The following MIGA1 variants were observed in gnomAD, a reference collection of about 807,000 sequenced individuals.
MIGA1 encodes the protein family with sequence similarity 73, member A.
MIGA1 carries 58 observed loss-of-function variants against 82.0 expected under a neutral mutation model. The ratio of observed to expected loss-of-function variants is 0.71; its 90% CI spans 0.57 to 0.88. The LOEUF (loss-of-function observed/expected upper bound fraction) is 0.88, where lower values mean the gene tolerates loss of function less well. MIGA1 is among the 40% of genes least tolerant of loss of function. MIGA1 has a pLI of 0.00. For synonymous variants in MIGA1, 249 were observed against 253.6 expected, an observed-to-expected ratio of 0.98 and a Z score of 0.17; for missense variants, 751 against 749.1, an observed-to-expected ratio of 1.00 and a Z score of -0.03.
At chr1:77,817,172 C>T (rs749659153) in intron 7 of MIGA1, among the ~76,000 whole-genome samples, 1 of 151,912 alleles carries the variant, frequency 6.6e-6, no homozygotes. Flanking sequence ...TGACTGGGTC[C>T]GTCTCTTATT....
intron 7 of MIGA1, among the ~76,000 whole-genome samples, chr1:77,825,731 T>G (rs1036793622): frequency 1.3e-5 from 2 of 152,102 alleles, no homozygotes; most frequent in Non-Finnish European, 1.5e-5. Context: ...TTTCAGAGAT[T>G]GTTAAATTAT....
At position 77,779,665 on chromosome 1, in the gene MIGA1, T is replaced by G; in HGVS notation, c.10T>G (p.Cys4Gly). 1 of 1,582,610 alleles carries G rather than the reference T, an allele frequency of 6.3e-7. No homozygotes were observed. Among genetic ancestry groups the G allele is most frequent in the Non-Finnish European group, 8.6e-7 (1 of 1,164,220 alleles). ...GGACTCCGCCTTCTCCATGTCAGACTGCTGCTCAGCGCCAGGCATCAGCTG... is the reference window on the plus strand; with the variant it reads ...GGACTCCGCCTTCTCCATGTCAGACGGCTGCTCAGCGCCAGGCATCAGCTG... Residue 4 changes from cysteine to glycine, a missense_variant, in exon 1 of 16, where the codon TGC becomes GGC. This residue lies in a region of MIGA1 where 482 missense variants were observed against 439.4 expected (regional missense o/e 1.10). Transcript: ENST00000370791.
intron 5 of MIGA1, among the ~76,000 whole-genome samples, chr1:77,807,992 G>T (rs1683168640): frequency 6.6e-6 from 1 of 151,860 alleles, no homozygotes; most frequent in Admixed American, 6.6e-5. Flanking sequence ...CTAATTTTTT[G>T]TATTTTTAGT....
intron 2 of MIGA1, among the ~76,000 whole-genome samples, chr1:77,796,365 G>C (rs544229700): frequency 9.9e-5 from 15 of 151,678 alleles, no homozygotes; most frequent in African/African-American, 3.4e-4. Flanking sequence ...TGATCCACCC[G>C]CCTTGGCCTC....
intron 2 of MIGA1, among the ~76,000 whole-genome samples, chr1:77,796,140 A>G (rs1166584): frequency 0.3 from 44,656 of 148,918 alleles, 7,197 homozygotes; most frequent in South Asian, 0.47. Context: ...TTTTTTTGAG[A>G]TGGAGTCTCT....
intron 2 of MIGA1, among the ~76,000 whole-genome samples, chr1:77,788,440 G>T (rs532430037): frequency 6.6e-6 from 1 of 152,276 alleles, no homozygotes; most frequent in South Asian, 2.1e-4. Flanking sequence ...GCCCAACCCT[G>T]TGAATTACTT....
intron 8 of MIGA1, among the ~76,000 whole-genome samples, chr1:77,844,113 A>T (rs375574248): frequency 0.021 from 1,841 of 89,770 alleles, 46 homozygotes; most frequent in African/African-American, 0.05. Context: ...AAAAAAAAAA[A>T]ATATATATAT....
intron 14 of MIGA1, among the ~76,000 whole-genome samples, chr1:77,869,940 C>T (rs1342843687): frequency 6.8e-5 from 9 of 133,228 alleles, no homozygotes; most frequent in African/African-American, 1.4e-4. Context: ...CCCTCCCGGA[C>T]GGGGCGGCTG....
intron 7 of MIGA1, among the ~76,000 whole-genome samples, chr1:77,818,592 G>A (rs1200241858): frequency 6.6e-6 from 1 of 152,146 alleles, no homozygotes. Flanking sequence ...CACACAGGGG[G>A]AAAGATGAAA....
Position 77,879,276 on chromosome 1 carries a change from A to T in MIGA1, c.*4212A>T, listed in dbSNP as rs146087151. The T allele has an allele frequency of 6.6e-6, 1 of 152,304 alleles. No homozygotes were observed. Among genetic ancestry groups the T allele is most frequent in the African/African-American group, 2.4e-5 (1 of 41,574 alleles). 9.4% of individuals were successfully genotyped at this position (152,304 alleles called of 1,614,324 possible). ...AATTTAAGAATTTATATAATCTGTG[A>T]TTAGTGGAAATAAGAACATCCCTAC... On this transcript the variant is annotated 3_prime_UTR_variant, in exon 16 of 16. Coordinates refer to ENST00000370791, the MANE Select transcript of MIGA1 (RefSeq NM_198549.4).
At position 77,869,643 on chromosome 1, in the gene MIGA1, G is replaced by A. The variant is rs534953184; in HGVS notation, c.1563+3252G>A. ...GGGGTCCTCACTTCCCAGTAGGGGC[G>A]GCCGGGCAGAGGCGCCCCTCACCTC... On this transcript the variant is annotated intron_variant, in intron 14 of 15. Transcript: ENST00000370791. Among the ~76,000 whole-genome samples, 146 of 133,770 alleles carry A rather than the reference G, an allele frequency of 1.1e-3. 4 individuals are homozygous for A. The South Asian group carries it at 0.03, about 27-fold the overall frequency. The allele number at this position is 133,770 out of a possible 152,430, so 87.8% of individuals were successfully genotyped here.
chr1:77,859,863 T>C (rs1186084407), intron 10 of MIGA1, 177 bp from the exon 11 acceptor site: 12 of 508,636 alleles, frequency 2.4e-5, no homozygotes, highest in Non-Finnish European at 3.4e-5. Context: ...TTTTTGACTA[T>C]AGGTTTCAAG....
intron 8 of MIGA1, among the ~76,000 whole-genome samples, chr1:77,855,574 TGTTTTGTA>T (rs1334675611): frequency 6.6e-6 from 1 of 152,112 alleles, no homozygotes; most frequent in Non-Finnish European, 1.5e-5. Flanking sequence ...TTTTCAGCAG[TGTTTTGTA>T]GTTTTCCTTG....
chr1:77,853,174 T>A (rs1024498517), intron 8 of MIGA1, among the ~76,000 whole-genome samples: 2 of 152,114 alleles, frequency 1.3e-5, no homozygotes, highest in Non-Finnish European at 2.9e-5. Flanking sequence ...AAAAACAAAA[T>A]TTTCAGAATT....
intron 7 of MIGA1, among the ~76,000 whole-genome samples, chr1:77,821,634 TC>T (rs1252474619): frequency 2.0e-5 from 3 of 152,102 alleles, no homozygotes; most frequent in Non-Finnish European, 2.9e-5. Flanking sequence ...CCTCAGGTGA[TC>T]CGCCCGCCTC....
intron 8 of MIGA1, chr1:77,848,674 C>T (rs948686180): frequency 1.3e-6 from 2 of 1,576,984 alleles, no homozygotes; most frequent in African/African-American, 2.7e-5. Flanking sequence ...AGAGAGACCA[C>T]CTGAGGCAGT....
chr1:77,864,161 G>C, intron 13 of MIGA1, 133 bp downstream of exon 13: 1 of 803,678 alleles, frequency 1.2e-6, no homozygotes, highest in Non-Finnish European at 1.9e-6. Flanking sequence ...AGGAGTTTGA[G>C]ACCAGCCTGG....
intron 2 of MIGA1, among the ~76,000 whole-genome samples, chr1:77,800,443 C>T (rs1006831186): frequency 6.6e-6 from 1 of 152,146 alleles, no homozygotes; most frequent in Admixed American, 6.6e-5. Flanking sequence ...CTCTGATCTC[C>T]GTATTCTGAT....
chr1:77,822,312 G>C (rs1683847459), intron 7 of MIGA1, among the ~76,000 whole-genome samples: 1 of 152,144 alleles, frequency 6.6e-6, no homozygotes, highest in Admixed American at 6.5e-5. Context: ...TGTAGCCCTA[G>C]TTCCTCAGGA....
Sources: allele counts gnomAD v4.1 joint callset (sites outside exome capture counted in the v4.1 genomes callset), GRCh38; gene constraint gnomAD v4.1.1; regional missense constraint gnomAD v4.1.1; transcripts MANE v1.5; gene names NCBI Gene and HGNC (gene_info 2026-07-23, HGNC 2026-07-21).